Variants in CTNND2 observed in about 807,000 individuals in gnomAD.
CTNND2 encodes catenin delta-2.
Under a neutral mutation model 144.4 loss-of-function variants are expected in CTNND2, and 22 were observed. That is an observed-to-expected ratio of 0.15 (90% CI 0.11 to 0.22). CTNND2 has a LOEUF of 0.22. CTNND2 is among the 10% of genes least tolerant of loss of function. CTNND2 has a pLI of 1.00. For missense variants in CTNND2, 1,353 were observed against 1,618.8 expected (o/e 0.84, Z 2.82); for synonymous variants, 751 against 695.6 (o/e 1.08, Z -1.25).
At chr5:11,497,027 A>G (rs1325503720) in intron 3 of CTNND2, among the ~76,000 whole-genome samples, 1 of 152,104 alleles carries the variant, frequency 6.6e-6, no homozygotes, top group Non-Finnish European at 1.5e-5. Context: ...ATAGTTAGGG[A>G]GTACAGGGTT....
intron 8 of CTNND2, 44 bp downstream of exon 8, chr5:11,364,652 C>T: frequency 6.6e-7 from 1 of 1,522,140 alleles, no homozygotes; most frequent in Non-Finnish European, 8.8e-7. Context: ...GCGCAGAGCC[C>T]ACCCCCTGTG....
intron 2 of CTNND2, among the ~76,000 whole-genome samples, chr5:11,613,897 C>T (rs1780455715): frequency 6.6e-6 from 1 of 152,168 alleles, no homozygotes; most frequent in Non-Finnish European, 1.5e-5. Flanking sequence ...ACCCCATGTC[C>T]CCTTCATTCA....
chr5:11,868,948 C>T (rs187462465), intron 1 of CTNND2, among the ~76,000 whole-genome samples: 249 of 152,054 alleles, frequency 1.6e-3, no homozygotes, highest in African/African-American at 4.8e-3. Context: ...TATAAGCAAC[C>T]GAACACAGAC....
intron 3 of CTNND2, among the ~76,000 whole-genome samples, chr5:11,434,133 C>T (rs1763548214): frequency 6.6e-6 from 1 of 152,174 alleles, no homozygotes; most frequent in Non-Finnish European, 1.5e-5. Flanking sequence ...TAGAAAGCTA[C>T]TCAGCAATGT....
intron 1 of CTNND2, among the ~76,000 whole-genome samples, chr5:11,775,063 G>C (rs1054774499): frequency 6.6e-6 from 1 of 152,064 alleles, no homozygotes; most frequent in African/African-American, 2.4e-5. Flanking sequence ...CGGGGGGGCG[G>C]TGCGGGCAAG....
chr5:11,278,293 T>C (rs543552148), intron 9 of CTNND2, among the ~76,000 whole-genome samples: 129 of 152,336 alleles, frequency 8.5e-4, no homozygotes, highest in African/African-American at 3.1e-3. Context: ...CTGCCTCTGC[T>C]TCCTCACTGG....
At chr5:11,365,892 A>C (rs1258016981) in intron 7 of CTNND2, among the ~76,000 whole-genome samples, 1 of 152,232 alleles carries the variant, frequency 6.6e-6, no homozygotes, top group East Asian at 1.9e-4. Flanking sequence ...GGCATCTTCC[A>C]TGTTGAATAC....
intron 11 of CTNND2, among the ~76,000 whole-genome samples, chr5:11,179,280 G>T (rs948393243): frequency 2.0e-5 from 3 of 151,504 alleles, no homozygotes; most frequent in African/African-American, 7.3e-5. Flanking sequence ...GTGACAGAGC[G>T]AGACTCCATC....
chr5:11,065,759 T>A (rs1417811746), intron 16 of CTNND2, among the ~76,000 whole-genome samples: 1 of 152,240 alleles, frequency 6.6e-6, no homozygotes, highest in Non-Finnish European at 1.5e-5. Flanking sequence ...CATAACATTA[T>A]GTGACAAAGA....
At chr5:11,528,928 T>A (rs1183145800) in intron 3 of CTNND2, among the ~76,000 whole-genome samples, 4 of 152,200 alleles carry the variant, frequency 2.6e-5, no homozygotes, top group Admixed American at 2.6e-4. Flanking sequence ...ATTCATGTTG[T>A]CGGCTTCAAG....
At chr5:11,779,935 C>A (rs947034491) in intron 1 of CTNND2, among the ~76,000 whole-genome samples, 1 of 152,190 alleles carries the variant, frequency 6.6e-6, no homozygotes, top group Non-Finnish European at 1.5e-5. Context: ...CCTTTCCCTG[C>A]AACTGCCCTC....
chr5:11,786,294 A>G (rs970726750), intron 1 of CTNND2, among the ~76,000 whole-genome samples: 2 of 152,210 alleles, frequency 1.3e-5, no homozygotes, highest in Non-Finnish European at 2.9e-5. Flanking sequence ...TCAGAAGGGA[A>G]TTCATCAATT....
intron 16 of CTNND2, among the ~76,000 whole-genome samples, chr5:11,061,933 T>G (rs558274447): frequency 9.3e-4 from 142 of 152,278 alleles, no homozygotes; most frequent in African/African-American, 3.3e-3. Flanking sequence ...GCTCTCGAAC[T>G]CCTGACCTCA....
chr5:11,782,856 A>T (rs1235541125), intron 1 of CTNND2, among the ~76,000 whole-genome samples: 1 of 152,160 alleles, frequency 6.6e-6, no homozygotes, highest in Non-Finnish European at 1.5e-5. Flanking sequence ...ATTTTCAGGG[A>T]CCGAGTAAAT....
chr5:10,988,185 T>C lies in CTNND2; in HGVS notation c.3269A>G (p.Tyr1090Cys), dbSNP rs1214249938. The part of the protein sequence containing the change: ...MISLKERKTD[Y>C]ECTGSNATYH... ...GGTGGCGTTGCTGCCGGTGCACTCG[T>C]AGTCTGTTTTCCTTTCTTTGAGGCT... Residue 1090 changes from tyrosine (Y) to cysteine (C), a missense_variant, in exon 20 of 22, where the codon TAC (tyrosine) becomes TGC (cysteine). Physicochemically the swap from Tyr to Cys is radical, Grantham distance 194. Around this residue, in one of 4 missense-constraint regions of CTNND2, gnomAD observed 459 missense variants for 674.3 expected, o/e 0.68. Coordinates refer to ENST00000304623, the MANE Select transcript of CTNND2 (RefSeq NM_001332.4). This position sits in a 1 kb window ranked among gnomAD's most constrained non-coding sequence, Gnocchi z 5.9. The C allele has an allele frequency of 6.2e-7, 1 of 1,614,052 alleles. No homozygotes were observed. The highest frequency in any genetic ancestry group is 8.5e-7 in the Non-Finnish European group (1 of 1,180,034).
chr5:11,700,283 A>C (rs1785366728), intron 2 of CTNND2, among the ~76,000 whole-genome samples: 1 of 152,088 alleles, frequency 6.6e-6, no homozygotes, highest in Non-Finnish European at 1.5e-5. Flanking sequence ...TCAGCTACAG[A>C]GGAGGCTGAG....
chr5:11,289,297 C>G (rs2188855), intron 9 of CTNND2, among the ~76,000 whole-genome samples: 30,956 of 152,196 alleles, frequency 0.2, 3,282 homozygotes, highest in Middle Eastern at 0.32. Context: ...CACTCAGATG[C>G]TCTTAAGCAC....
intron 7 of CTNND2, among the ~76,000 whole-genome samples, chr5:11,380,405 C>G (rs1242244323): frequency 6.6e-6 from 1 of 152,106 alleles, no homozygotes; most frequent in African/African-American, 2.4e-5. Context: ...TTTACATATG[C>G]TACCTTATTT....
At chr5:11,712,060 A>C (rs58569383) in intron 2 of CTNND2, among the ~76,000 whole-genome samples, 15,742 of 152,186 alleles carry the variant, frequency 0.1, 945 homozygotes, top group East Asian at 0.2. Context: ...TGCTTTCCCT[A>C]TTTCTTTGCC....
Sources: allele counts gnomAD v4.1 joint callset (sites outside exome capture counted in the v4.1 genomes callset), GRCh38; gene constraint gnomAD v4.1.1; regional missense constraint gnomAD v4.1.1; non-coding constraint Gnocchi (gnomAD v3.1); transcripts MANE v1.5; gene names NCBI Gene and HGNC (gene_info 2026-07-23, HGNC 2026-07-21).